The following SIK3 variants were observed in gnomAD, a reference collection of about 807,000 sequenced individuals.
SIK3 encodes the protein SIK family kinase 3.
A neutral mutation model predicts 144.2 loss-of-function variants in SIK3; 28 were observed. The observed-to-expected ratio is 0.19, with a 90% confidence interval of 0.14 to 0.27. The LOEUF (loss-of-function observed/expected upper bound fraction) is 0.27, where lower values mean the gene tolerates loss of function less well. SIK3 is among the 10% of genes least tolerant of loss of function. The pLI is 1.00. For missense variants in SIK3, 1,319 were observed against 1,776.0 expected (o/e 0.74, Z 4.62); for synonymous variants, 686 against 676.3 (o/e 1.01, Z -0.22).
At position 116,845,364 on chromosome 11, in the gene SIK3, A is replaced by G. The variant is rs191753633; in HGVS notation, c.*279T>C. On this transcript the variant is annotated 3_prime_UTR_variant, in exon 25 of 25. Transcript: ENST00000445177. ...AACAAAACACAAACCCCCAAACAAA[A>G]CAAAAAACCACCAACTCAAATATAC... 1.3e-5 allele frequency: 2 copies of G among 152,378 alleles called. No individual in the cohort carries two copies. Among genetic ancestry groups the G allele is most frequent in the Admixed American group, 6.5e-5 (1 of 15,308 alleles). 9.4% of individuals were successfully genotyped at this position (152,378 alleles called of 1,614,324 possible).
intron 6 of SIK3, among the ~76,000 whole-genome samples, chr11:116,890,548 T>A (rs1416207459): frequency 6.6e-6 from 1 of 152,204 alleles, no homozygotes; most frequent in Non-Finnish European, 1.5e-5. Context: ...GAAAAAGACA[T>A]GTTTCGTCTG....
intron 1 of SIK3, among the ~76,000 whole-genome samples, chr11:117,012,681 T>C (rs1951311799): frequency 1.3e-5 from 2 of 152,162 alleles, no homozygotes; most frequent in South Asian, 4.1e-4. Context: ...CTTCCTTCTT[T>C]GACTACCTCA....
intron 4 of SIK3, among the ~76,000 whole-genome samples, chr11:116,924,754 G>C (rs1254168298): frequency 6.6e-6 from 1 of 152,210 alleles, no homozygotes; most frequent in Non-Finnish European, 1.5e-5. Context: ...TTCAATGCTT[G>C]GTGGGGGCTG....
intron 1 of SIK3, among the ~76,000 whole-genome samples, chr11:117,064,928 T>C (rs1471343704): frequency 1.1e-4 from 17 of 152,002 alleles, no homozygotes; most frequent in Admixed American, 1.1e-3. Flanking sequence ...GGTGGGCAGA[T>C]CACGAGGTCA....
chr11:116,903,579 TAA>T (rs1176930917), intron 4 of SIK3, among the ~76,000 whole-genome samples: 1 of 152,136 alleles, frequency 6.6e-6, no homozygotes, highest in Non-Finnish European at 1.5e-5. Context: ...AAGAAAAAGG[TAA>T]AGAAAAACTT....
intron 1 of SIK3, among the ~76,000 whole-genome samples, chr11:117,021,572 T>C (rs983599860): frequency 7.9e-5 from 12 of 152,212 alleles, no homozygotes; most frequent in Admixed American, 5.2e-4. Context: ...TCTAGAAAGC[T>C]GTTCTCAATT....
chr11:116,933,276 G>T (rs1384079661), intron 3 of SIK3, among the ~76,000 whole-genome samples: 1 of 151,982 alleles, frequency 6.6e-6, no homozygotes, highest in Non-Finnish European at 1.5e-5. Flanking sequence ...AAGTAGCTGG[G>T]ACTACAGGCG....
intron 4 of SIK3, among the ~76,000 whole-genome samples, chr11:116,913,425 T>G (rs536212540): frequency 1.3e-5 from 2 of 152,338 alleles, no homozygotes; most frequent in South Asian, 4.1e-4. Flanking sequence ...TGAACTCAGC[T>G]ATTTTAAATG....
intron 4 of SIK3, among the ~76,000 whole-genome samples, chr11:116,918,386 T>C (rs75487836): frequency 0.037 from 5,545 of 151,810 alleles, 109 homozygotes; most frequent in African/African-American, 0.038. Flanking sequence ...CACTTTTTTT[T>C]CCACCCCCAC....
intron 1 of SIK3, among the ~76,000 whole-genome samples, chr11:117,012,567 G>A (rs751740465): frequency 3.9e-5 from 6 of 152,068 alleles, no homozygotes; most frequent in East Asian, 1.9e-4. Flanking sequence ...TGCTATTTCC[G>A]TATCCTTGCT....
chr11:117,072,201 A>G (rs1482300059), intron 1 of SIK3, among the ~76,000 whole-genome samples: 1 of 152,094 alleles, frequency 6.6e-6, no homozygotes, highest in Non-Finnish European at 1.5e-5. Context: ...CAGCCTGGCC[A>G]ACATGGCAAA....
chr11:117,062,537 T>C (rs989699609), intron 1 of SIK3, among the ~76,000 whole-genome samples: 9 of 152,088 alleles, frequency 5.9e-5, no homozygotes, highest in African/African-American at 1.9e-4. Context: ...AGGTCCAAAA[T>C]ATGCCTAATA....
chr11:117,035,150 T>C (rs1206644015), intron 1 of SIK3, among the ~76,000 whole-genome samples: 5 of 152,204 alleles, frequency 3.3e-5, no homozygotes, highest in Non-Finnish European at 7.4e-5. Flanking sequence ...ATATCATTAA[T>C]GTCCATTTAT....
At chr11:117,075,962 C>T (rs1190740168) in intron 1 of SIK3, among the ~76,000 whole-genome samples, 1 of 150,134 alleles carries the variant, frequency 6.7e-6, no homozygotes, top group African/African-American at 2.5e-5. Context: ...AATTCTCCTG[C>T]CTCAGCCTCT....
Position 117,074,115 on chromosome 11 carries a change from A to T in SIK3, c.273+24028T>A, listed in dbSNP as rs139849908. 5.5e-4 allele frequency among the ~76,000 whole-genome samples: 84 copies of T among 152,282 alleles called. 1 individual carries two copies. The highest frequency in any genetic ancestry group is 1.9e-3 in the African/African-American group (81 of 41,566). ...AGCTCTGACAGTCCCCAGCTTCTCC[A>T]GAACTACCACTCTTTGGCTTACCAT... is the stretch of plus-strand genomic sequence containing the variant. On this transcript the variant is annotated intron_variant, in intron 1 of 24. Coordinates refer to ENST00000445177, the MANE Select transcript of SIK3 (RefSeq NM_001366686.3).
At chr11:116,852,058 T>C (rs1255129219) in intron 21 of SIK3, among the ~76,000 whole-genome samples, 4 of 152,260 alleles carry the variant, frequency 2.6e-5, no homozygotes, top group South Asian at 2.1e-4. Context: ...AGGACAAACA[T>C]GAGCGCTCTC....
chr11:116,846,613 G>C lies in SIK3; in HGVS notation c.3953-60C>G, dbSNP rs768708347. 49 of 1,596,520 alleles carry C rather than the reference G, an allele frequency of 3.1e-5. No homozygotes were observed. The highest frequency in any genetic ancestry group is 1.8e-4 in the Middle Eastern group (1 of 5,642). ...GGAACTGGGGGACTAGGAGAGCAAG[G>C]GGGAGAGAGAGGAGGAATTGAAGGC... is the stretch of plus-strand genomic sequence containing the variant. On this transcript the variant is annotated intron_variant, in intron 23 of 24. Transcript: ENST00000445177. This position sits in a 1 kb window ranked among gnomAD's most constrained non-coding sequence, Gnocchi z 4.1.
chr11:116,980,295 G>T (rs1950093370), intron 1 of SIK3, among the ~76,000 whole-genome samples: 1 of 152,106 alleles, frequency 6.6e-6, no homozygotes, highest in African/African-American at 2.4e-5. Context: ...ACAGGCTTGG[G>T]TTCTTAGTTC....
intron 4 of SIK3, among the ~76,000 whole-genome samples, chr11:116,917,827 G>GAAGGAAAGGAAAGGAAAGCAAAGGA (rs1946740074): frequency 9.5e-6 from 1 of 104,952 alleles, no homozygotes; most frequent in African/African-American, 4.4e-5. Context: ...GAAGAAGAAG[G>GAAGGAAAGGAAAGGAAAGCAAAGGA]AAGGAAAGGA....
Sources: allele counts gnomAD v4.1 joint callset (sites outside exome capture counted in the v4.1 genomes callset), GRCh38; gene constraint gnomAD v4.1.1; non-coding constraint Gnocchi (gnomAD v3.1); transcripts MANE v1.5; gene names NCBI Gene and HGNC (gene_info 2026-07-23, HGNC 2026-07-21).